KTN1: variants seen among roughly 807,000 people sequenced by gnomAD.
KTN1 encodes kinectin.
A neutral mutation model predicts 222.5 loss-of-function variants in KTN1; 130 were observed. The ratio of observed to expected loss-of-function variants is 0.58; its 90% CI spans 0.51 to 0.68. The LOEUF (loss-of-function observed/expected upper bound fraction) is 0.68, where lower values mean the gene tolerates loss of function less well. KTN1 is among the 30% of genes least tolerant of loss of function. KTN1 has a pLI of 0.00. For synonymous variants in KTN1, 512 were observed against 496.3 expected, an observed-to-expected ratio of 1.03 and a Z score of -0.42; for missense variants, 1,508 against 1,500.4, an observed-to-expected ratio of 1.01 and a Z score of -0.08.
At chr14:55,652,746 G>T (rs2043072115) in intron 25 of KTN1, 104 bp from the exon 26 acceptor site, 3 of 702,768 alleles carry the variant, frequency 4.3e-6, no homozygotes, top group Non-Finnish European at 7.3e-6. Flanking sequence ...CAATCAGCTG[G>T]TCTGTGAGTA....
Position 55,653,681 on chromosome 14 carries a change from C to G in KTN1, c.2801+85C>G, listed in dbSNP as rs2141143377. The G allele has an allele frequency of 3.2e-6, 3 of 942,318 alleles. No homozygotes were observed. The East Asian group carries it at 7.4e-5, about 23-fold the overall frequency. 58.4% of individuals were successfully genotyped at this position (942,318 alleles called of 1,614,324 possible). On this transcript the variant is annotated intron_variant, in intron 28 of 43. Coordinates refer to ENST00000395314, the MANE Select transcript of KTN1 (RefSeq NM_001079521.2). Reference sequence around the variant, plus strand: ...TGTGCTTGAATATAATGATGAGTTTCCTGTACATCATTAACTTTATTGTTA... The same window carrying G: ...TGTGCTTGAATATAATGATGAGTTTGCTGTACATCATTAACTTTATTGTTA...
At chr14:55,640,026 C>A (rs754841625) in intron 14 of KTN1, 23 bp downstream of exon 14, 30 of 1,353,664 alleles carry the variant, frequency 2.2e-5, no homozygotes, top group Non-Finnish European at 3.1e-5. Context: ...GTATAAATGG[C>A]TGCAATATTT....
chr14:55,599,028 A>G (rs1370214386), intron 1 of KTN1, among the ~76,000 whole-genome samples: 2 of 152,100 alleles, frequency 1.3e-5, no homozygotes, highest in Non-Finnish European at 2.9e-5. Flanking sequence ...TTTTTGTGGT[A>G]CATTGTCAGT....
chr14:55,607,717 G>A (rs919591561), intron 1 of KTN1, among the ~76,000 whole-genome samples: 7 of 152,086 alleles, frequency 4.6e-5, no homozygotes, highest in African/African-American at 1.7e-4. Context: ...AGGTTAAAGA[G>A]GTAACTAATA....
intron 5 of KTN1, among the ~76,000 whole-genome samples, chr14:55,619,940 A>G (rs1373069879): frequency 6.6e-6 from 1 of 152,128 alleles, no homozygotes; most frequent in Non-Finnish European, 1.5e-5. Context: ...CCACAGTCCA[A>G]AGTCTCATCC....
At chr14:55,666,738 A>G (rs1314212753) in intron 33 of KTN1, among the ~76,000 whole-genome samples, 1 of 151,948 alleles carries the variant, frequency 6.6e-6, no homozygotes, top group Non-Finnish European at 1.5e-5. Context: ...CTTGTTTAGC[A>G]TAAATACTTC....
chr14:55,670,666 C>A, intron 34 of KTN1, 63 bp from the exon 35 acceptor site: 1 of 1,098,156 alleles, frequency 9.1e-7, no homozygotes, highest in Non-Finnish European at 1.3e-6. Flanking sequence ...AAATGTTTCA[C>A]CTGTTTTATT....
chr14:55,612,400 G>A lies in KTN1; in HGVS notation c.352G>A (p.Glu118Lys), dbSNP rs1364477405. Residue 118 changes from glutamate to lysine, a missense_variant, in exon 2 of 44, where the codon GAA becomes AAA. Transcript: ENST00000395314. The part of the protein sequence containing the change: ...SSSVRERKKK[E>K]KKQKPVLEEQ... ...TAGTGTTAGGGAAAGAAAAAAGAAG[G>A]AAAAGAAACAAAAGCCTGTGCTTGA... The A allele has an allele frequency of 6.2e-7, 1 of 1,613,898 alleles. No homozygotes were observed. Among genetic ancestry groups the A allele is most frequent in the East Asian group, 2.2e-5 (1 of 44,862 alleles).
chr14:55,609,804 A>G (rs576837040), intron 1 of KTN1, among the ~76,000 whole-genome samples: 2 of 151,902 alleles, frequency 1.3e-5, no homozygotes, highest in South Asian at 4.2e-4. Flanking sequence ...AAGCATTCCA[A>G]CTCATTGTTT....
At chr14:55,646,494 CCTTTCCTTTCCTTTCCTTTCCTTTCCTTT>C (rs1566788856) in intron 18 of KTN1, among the ~76,000 whole-genome samples, 7 of 105,676 alleles carry the variant, frequency 6.6e-5, no homozygotes, top group Non-Finnish European at 1.2e-4. Flanking sequence ...CCTTTCCTTT[CCTTTCCTTTCCTTTCCTTTCCTTTCCTTT>C]CCTTTCCTTT....
intron 31 of KTN1, 119 bp downstream of exon 31, chr14:55,659,822 T>G: frequency 1.6e-6 from 1 of 626,498 alleles, no homozygotes; most frequent in Non-Finnish European, 2.9e-6. Flanking sequence ...CAGTTCTATT[T>G]GGATATCTTG....
chr14:55,623,759 G>T (rs1356272565), intron 5 of KTN1, among the ~76,000 whole-genome samples: 1 of 152,200 alleles, frequency 6.6e-6, no homozygotes, highest in Non-Finnish European at 1.5e-5. Context: ...TATATGTGGG[G>T]ATTGGGAAAA....
intron 1 of KTN1, among the ~76,000 whole-genome samples, chr14:55,609,156 C>G (rs1304423424): frequency 6.6e-6 from 1 of 152,072 alleles, no homozygotes; most frequent in Non-Finnish European, 1.5e-5. Flanking sequence ...CCTCTCAGCC[C>G]CCACCCGCAA....
At chr14:55,664,459 T>G (rs1412208800) in intron 33 of KTN1, among the ~76,000 whole-genome samples, 1 of 152,142 alleles carries the variant, frequency 6.6e-6, no homozygotes, top group Non-Finnish European at 1.5e-5. Flanking sequence ...ATGTCTCAGA[T>G]AAGGTAGAGA....
At chr14:55,651,429 T>G (rs1018912091) in intron 24 of KTN1, 1 of 451,718 alleles carries the variant, frequency 2.2e-6, no homozygotes, top group Non-Finnish European at 4.4e-6. Flanking sequence ...CATCATAGAG[T>G]ACTGTTGAGT....
chr14:55,679,858 A>G, intron 43 of KTN1, 173 bp downstream of exon 43: 1 of 660,916 alleles, frequency 1.5e-6, no homozygotes, highest in Non-Finnish European at 2.5e-6. Flanking sequence ...TTTTGTGCAT[A>G]TCTTGAAGGT....
intron 36 of KTN1, 61 bp downstream of exon 36, chr14:55,671,716 A>G (rs2045467413): frequency 1.6e-5 from 24 of 1,525,678 alleles, no homozygotes; most frequent in South Asian, 2.3e-5. Flanking sequence ...TTCTTCCTTC[A>G]TGGCCTAAAT....
At position 55,670,720 on chromosome 14, in the gene KTN1, C is replaced by T. The variant is rs759518746; in HGVS notation, c.3268-9C>T. The T allele has an allele frequency of 5.6e-5, 87 of 1,544,340 alleles. No individual in the cohort carries two copies. The highest frequency in any genetic ancestry group is 3.4e-4 in the Middle Eastern group (2 of 5,808). ...GGAAATTAATGATTTTAACTTTTCTCGTCCACAGAGTTATGGTGAATGGTT... is the reference window on the plus strand; with the variant it reads ...GGAAATTAATGATTTTAACTTTTCTTGTCCACAGAGTTATGGTGAATGGTT... On this transcript the variant is annotated splice_polypyrimidine_tract_variant and intron_variant, in intron 34 of 43. Transcript: ENST00000395314.
chr14:55,662,387 A>G (rs1156502287), intron 32 of KTN1, among the ~76,000 whole-genome samples: 1 of 151,982 alleles, frequency 6.6e-6, no homozygotes, highest in Non-Finnish European at 1.5e-5. Context: ...CCCATTTTTA[A>G]CTGAGAGGTG....
Sources: gnomAD v4.1 joint callset for allele counts (sites outside exome capture counted in the v4.1 genomes callset) on GRCh38, gnomAD v4.1.1 for gene constraint, MANE v1.5 for transcripts, NCBI Gene and HGNC (gene_info 2026-07-23, HGNC 2026-07-21) for gene names.